The following KIZ variants were observed in gnomAD, a reference collection of about 807,000 sequenced individuals.
KIZ encodes the protein centrosomal protein kizuna.
Under a neutral mutation model 79.6 loss-of-function variants are expected in KIZ, and 68 were observed. The ratio of observed to expected loss-of-function variants is 0.85; its 90% CI spans 0.70 to 1.05. KIZ has a LOEUF of 1.05. KIZ is among the 50% of genes least tolerant of loss of function. The pLI is 0.00. For missense variants in KIZ, 797 were observed against 800.4 expected, an observed-to-expected ratio of 1.00 and a Z score of 0.05; for synonymous variants, 280 against 281.8, an observed-to-expected ratio of 0.99 and a Z score of 0.06.
intron 6 of KIZ, among the ~76,000 whole-genome samples, chr20:21,169,255 A>G (rs1182444590): frequency 3.3e-5 from 5 of 152,328 alleles, no homozygotes; most frequent in African/African-American, 9.6e-5. Flanking sequence ...AACCCCATCA[A>G]AAAGTGGGCA....
rs2033704847 is a variant in KIZ at position 21,162,251 on chromosome 20, G to A, written c.786G>A (p.Lys262=). Residue 262 remains lysine, a synonymous_variant, in exon 5 of 13, where the codon AAG becomes AAA. Coordinates refer to ENST00000619189, the MANE Select transcript of KIZ (RefSeq NM_018474.6). The part of the protein sequence containing the change: ...LEIGSNTRHG[K]SNLSEGKKSA... ...TAGGAAGTAACACACGTCATGGCAA[G>A]AGTAATTTATCTGAAGGCAAAAAGT... is the stretch of plus-strand genomic sequence containing the variant. 1 of 1,613,914 alleles carries A rather than the reference G, an allele frequency of 6.2e-7. No homozygotes were observed. Among genetic ancestry groups the A allele is most frequent in the Non-Finnish European group, 8.5e-7 (1 of 1,179,900 alleles).
At chr20:21,173,780 T>C (rs900368546) in intron 6 of KIZ, among the ~76,000 whole-genome samples, 1 of 152,048 alleles carries the variant, frequency 6.6e-6, no homozygotes, top group African/African-American at 2.4e-5. Context: ...TTGAGATGCC[T>C]TTTTGACGTT....
chr20:21,143,427 C>A (rs1259570258), intron 3 of KIZ, among the ~76,000 whole-genome samples: 3 of 152,176 alleles, frequency 2.0e-5, no homozygotes. Flanking sequence ...CAGAAAGTAT[C>A]ATAATGGAAA....
At chr20:21,128,706 C>T (rs1000447232) in intron 1 of KIZ, among the ~76,000 whole-genome samples, 26 of 152,130 alleles carry the variant, frequency 1.7e-4, no homozygotes, top group African/African-American at 6.3e-4. Context: ...CACCCACAAG[C>T]ATGGTAGAAA....
chr20:21,172,103 T>A (rs1260314119), intron 6 of KIZ, among the ~76,000 whole-genome samples: 2 of 152,216 alleles, frequency 1.3e-5, no homozygotes, highest in Non-Finnish European at 2.9e-5. Context: ...GCATGAGATG[T>A]AATGACTTGG....
intron 9 of KIZ, among the ~76,000 whole-genome samples, chr20:21,216,345 A>T (rs142280929): frequency 1.0e-3 from 154 of 152,300 alleles, no homozygotes; most frequent in African/African-American, 3.6e-3. Flanking sequence ...AAATATTTAC[A>T]CAAGTAAATA....
At chr20:21,234,681 G>A (rs955171923) in intron 11 of KIZ, among the ~76,000 whole-genome samples, 4 of 150,598 alleles carry the variant, frequency 2.7e-5, no homozygotes, top group African/African-American at 9.8e-5. Flanking sequence ...GTGCAGTGCT[G>A]CTGTAGCACT....
chr20:21,186,765 G>A (rs901860313), intron 6 of KIZ, among the ~76,000 whole-genome samples: 18 of 152,036 alleles, frequency 1.2e-4, no homozygotes, highest in Non-Finnish European at 1.9e-4. Context: ...GCTGTCCTAG[G>A]AGAGCCAGTT....
intron 1 of KIZ, among the ~76,000 whole-genome samples, chr20:21,126,499 G>A (rs1600330732): frequency 6.6e-6 from 1 of 152,278 alleles, no homozygotes; most frequent in East Asian, 1.9e-4. Flanking sequence ...AGAAGTGAAG[G>A]TGGGAGTTCT....
chr20:21,129,700 C>G lies in KIZ; in HGVS notation c.90-2397C>G, dbSNP rs145715131. On this transcript the variant is annotated intron_variant, in intron 1 of 12. Coordinates refer to ENST00000619189, the MANE Select transcript of KIZ (RefSeq NM_018474.6). ...TGAGCTGAGATTGTGCCATTGTACTCCAGCTTGGGCAACAGAGTGAGACTC... is the reference window on the plus strand; with the variant it reads ...TGAGCTGAGATTGTGCCATTGTACTGCAGCTTGGGCAACAGAGTGAGACTC... Among the ~76,000 whole-genome samples the G allele has an allele frequency of 2.9e-3, 446 of 151,650 alleles. 1 individual carries two copies. The highest frequency in any genetic ancestry group is 0.01 in the African/African-American group (422 of 41,316).
At chr20:21,164,420 G>T (rs1429814369) in intron 6 of KIZ, among the ~76,000 whole-genome samples, 4 of 152,146 alleles carry the variant, frequency 2.6e-5, no homozygotes, top group Admixed American at 1.3e-4. Flanking sequence ...AAGCCAAATG[G>T]ATTTTTCTAG....
At chr20:21,200,490 T>G (rs1568969812) in intron 6 of KIZ, among the ~76,000 whole-genome samples, 2 of 151,882 alleles carry the variant, frequency 1.3e-5, no homozygotes, top group South Asian at 2.1e-4. Context: ...TGAGCTTGTT[T>G]TCCTGCAACT....
chr20:21,155,732 G>A (rs140741986), intron 4 of KIZ, among the ~76,000 whole-genome samples: 7 of 152,254 alleles, frequency 4.6e-5, no homozygotes, highest in East Asian at 3.9e-4. Context: ...TAAATTTACC[G>A]TATCTAAGTA....
At chr20:21,152,937 C>T (rs1173008457) in intron 4 of KIZ, among the ~76,000 whole-genome samples, 3 of 152,154 alleles carry the variant, frequency 2.0e-5, no homozygotes, top group Non-Finnish European at 4.4e-5. Context: ...TTCAGATTCA[C>T]TATTAGGGAT....
intron 9 of KIZ, among the ~76,000 whole-genome samples, chr20:21,225,181 ACATTT>A (rs2036620144): frequency 6.6e-6 from 1 of 151,944 alleles, no homozygotes; most frequent in South Asian, 2.1e-4. Flanking sequence ...GCCTTGCCTT[ACATTT>A]TAAACTACAA....
chr20:21,234,122 C>G (rs1210942991), intron 11 of KIZ, among the ~76,000 whole-genome samples: 2 of 152,116 alleles, frequency 1.3e-5, no homozygotes, highest in Non-Finnish European at 2.9e-5. Flanking sequence ...CCTAAACAGT[C>G]TTTACGTAGG....
chr20:21,233,581 T>G (rs1032279416), intron 11 of KIZ, among the ~76,000 whole-genome samples: 7 of 152,232 alleles, frequency 4.6e-5, no homozygotes, highest in Non-Finnish European at 1.0e-4. Context: ...CATTGCTCAG[T>G]AAAAAGGTGT....
intron 7 of KIZ, among the ~76,000 whole-genome samples, chr20:21,206,983 A>G (rs1207450751): frequency 6.6e-6 from 1 of 152,252 alleles, no homozygotes; most frequent in Non-Finnish European, 1.5e-5. Context: ...AGCCACATTC[A>G]GGGAAACAGC....
At chr20:21,232,703 C>T (rs951732656) in intron 10 of KIZ, 31 bp from the exon 11 acceptor site, 10 of 1,142,104 alleles carry the variant, frequency 8.8e-6, no homozygotes, top group Non-Finnish European at 5.2e-6. Context: ...TGACAGCTAA[C>T]CCTCACTCTC....
Sources: allele counts gnomAD v4.1 joint callset (sites outside exome capture counted in the v4.1 genomes callset), GRCh38; gene constraint gnomAD v4.1.1; transcripts MANE v1.5; gene names NCBI Gene and HGNC (gene_info 2026-07-23, HGNC 2026-07-21).